Variants in ARHGAP32 observed in about 807,000 individuals in gnomAD.
ARHGAP32 encodes the protein Rho GTPase activating protein 32.
Under a neutral mutation model 186.5 loss-of-function variants are expected in ARHGAP32, and 51 were observed. The observed-to-expected ratio is 0.27, with a 90% confidence interval of 0.22 to 0.35. The LOEUF is 0.35. ARHGAP32 is among the 10% of genes least tolerant of loss of function. The probability of loss-of-function intolerance (pLI) is 1.00; values close to 1 mark genes in which losing one functional copy is unlikely to be tolerated. For missense variants in ARHGAP32, 2,186 were observed against 2,623.5 expected (o/e 0.83, Z 3.64); for synonymous variants, 950 against 964.3 (o/e 0.99, Z 0.27).
rs756353595 is a variant in ARHGAP32, at chr11:128,969,854, A to T, written c.5359T>A (p.Tyr1787Asn). 2 of 1,614,152 alleles carry T rather than the reference A, an allele frequency of 1.2e-6. No individual in the cohort carries two copies. The highest frequency in any genetic ancestry group is 1.7e-6 in the Non-Finnish European group (2 of 1,180,032). The part of the protein sequence containing the change: ...QKVKGPVMSQ[Y>N]DNMTPAVQDD... ...TGCACCGCCGGGGTCATGTTATCATATTGGGACATGACAGGCCCTTTCACC... is the reference window on the plus strand; with the variant it reads ...TGCACCGCCGGGGTCATGTTATCATTTTGGGACATGACAGGCCCTTTCACC... The change falls in exon 23 of 23, where the codon TAT becomes AAT. Residue 1787 changes from tyrosine to asparagine, a missense_variant. Physicochemically the swap from Tyr to Asn is moderately radical, Grantham distance 143. Transcript: ENST00000682385. This position sits in a 1 kb window ranked among gnomAD's most constrained non-coding sequence, Gnocchi z 4.8.
intron 5 of ARHGAP32, among the ~76,000 whole-genome samples, chr11:129,107,328 T>C (rs1942076204): frequency 6.6e-6 from 1 of 152,140 alleles, no homozygotes; most frequent in South Asian, 2.1e-4. Context: ...ACAAAGTTCT[T>C]AACATTGATA....
chr11:128,983,747 G>T (rs763509540), intron 15 of ARHGAP32, among the ~76,000 whole-genome samples: 22 of 151,280 alleles, frequency 1.5e-4, no homozygotes, highest in Admixed American at 3.9e-4. Context: ...TGAAGGGAAT[G>T]ATTAAAGGAC....
At chr11:129,029,305 A>G (rs1938993497) in intron 11 of ARHGAP32, among the ~76,000 whole-genome samples, 1 of 152,196 alleles carries the variant, frequency 6.6e-6, no homozygotes, top group African/African-American at 2.4e-5. Flanking sequence ...TCAAGGTTCT[A>G]TAGTGGGCAG....
At position 129,201,133 on chromosome 11, in the gene ARHGAP32, A is replaced by T. The variant is rs550527462; in HGVS notation, c.-4-36706T>A. Among the ~76,000 whole-genome samples the T allele has an allele frequency of 1.0e-3, 156 of 152,300 alleles. 2 individuals carry two copies. The South Asian group carries it at 0.031, about 30-fold the overall frequency. On this transcript the variant is annotated intron_variant, in intron 1 of 6. Coordinates refer to the ARHGAP32 transcript ENST00000525234. ...ATAAAATCAGATCATAAGACAATTC[A>T]ACATGTCATTTCCAGTGTTAATAAG...
chr11:129,161,036 C>T (rs920181962), intron 2 of ARHGAP32, among the ~76,000 whole-genome samples: 1 of 151,990 alleles, frequency 6.6e-6, no homozygotes, highest in South Asian at 2.1e-4. Flanking sequence ...ACAAACCTGA[C>T]AAAAACAAGC....
intron 21 of ARHGAP32, 79 bp downstream of exon 21, chr11:128,974,045 C>G (rs1464874233): frequency 6.6e-7 from 1 of 1,514,032 alleles, no homozygotes; most frequent in Non-Finnish European, 8.9e-7. Context: ...ACAAATTTCT[C>G]TCTTAAAAGG....
intron 5 of ARHGAP32, among the ~76,000 whole-genome samples, chr11:129,118,572 G>A (rs1942436198): frequency 6.6e-6 from 1 of 151,912 alleles, no homozygotes; most frequent in South Asian, 2.1e-4. Flanking sequence ...GATCTAAGGA[G>A]ATACAAAAGA....
chr11:129,079,966 C>A (rs896942209), intron 6 of ARHGAP32, among the ~76,000 whole-genome samples: 13 of 151,932 alleles, frequency 8.6e-5, no homozygotes, highest in Non-Finnish European at 1.3e-4. Flanking sequence ...TTACATGAGA[C>A]AAAACAAACT....
At chr11:129,137,371 AAAATT>A (rs1250219554) in intron 2 of ARHGAP32, among the ~76,000 whole-genome samples, 1 of 151,922 alleles carries the variant, frequency 6.6e-6, no homozygotes, top group Admixed American at 6.5e-5. Context: ...AAGTATTTGT[AAAATT>A]AAATTAAATT....
At position 129,107,206 on chromosome 11, in the gene ARHGAP32, G is replaced by T. The variant is rs140902776; in HGVS notation, c.445-13499C>A. Among the ~76,000 whole-genome samples the T allele has an allele frequency of 2.0e-3, 309 of 152,234 alleles. 4 individuals are homozygous for T. The highest frequency in any genetic ancestry group is 0.019 in the Admixed American group (283 of 15,286). On this transcript the variant is annotated intron_variant, in intron 5 of 22. Coordinates refer to ENST00000682385, the MANE Select transcript of ARHGAP32 (RefSeq NM_001378024.1). ...TAGTCAACTAGCAATCCTATATCCA[G>T]CAAAACTATCCTTCAAAAATAAAGG...
intron 2 of ARHGAP32, among the ~76,000 whole-genome samples, chr11:129,127,527 C>T (rs1270462317): frequency 7.0e-6 from 1 of 142,476 alleles, no homozygotes; most frequent in Non-Finnish European, 1.5e-5. Flanking sequence ...TTTAACATAA[C>T]AAGGTTTTGT....
chr11:129,269,352 G>T (rs1945446308), intron 1 of ARHGAP32, among the ~76,000 whole-genome samples: 1 of 152,092 alleles, frequency 6.6e-6, no homozygotes, highest in African/African-American at 2.4e-5. Context: ...TGATATAAAA[G>T]AAAGAGGTGG....
intron 1 of ARHGAP32, among the ~76,000 whole-genome samples, chr11:129,174,906 C>T (rs1288540685): frequency 6.8e-6 from 1 of 147,348 alleles, no homozygotes; most frequent in Admixed American, 6.9e-5. Flanking sequence ...CAAAGGAACG[C>T]AGTTCCTCAC....
At chr11:129,011,111 T>C (rs900490589) in intron 11 of ARHGAP32, among the ~76,000 whole-genome samples, 2 of 152,236 alleles carry the variant, frequency 1.3e-5, no homozygotes, top group Non-Finnish European at 2.9e-5. Flanking sequence ...TGGCAGACAA[T>C]GAATGATTAA....
chr11:129,042,506 A>G lies in ARHGAP32; in HGVS notation c.964-1497T>C, dbSNP rs186404391. Among the ~76,000 whole-genome samples, 206 of 152,218 alleles carry G rather than the reference A, an allele frequency of 1.4e-3. 1 individual carries two copies. The highest frequency in any genetic ancestry group is 2.6e-3 in the Admixed American group (40 of 15,286). On this transcript the variant is annotated intron_variant, in intron 10 of 22. Coordinates refer to ENST00000682385, the MANE Select transcript of ARHGAP32 (RefSeq NM_001378024.1). ...CGGAACAAGTAGAAATGCTTCCAAG[A>G]CTGATTAGAACCAGGTAAGAGTCAA... is the stretch of plus-strand genomic sequence containing the variant.
At chr11:129,012,117 A>AT (rs1388801822) in intron 11 of ARHGAP32, among the ~76,000 whole-genome samples, 19 of 152,296 alleles carry the variant, frequency 1.2e-4, no homozygotes, top group African/African-American at 4.3e-4. Context: ...TAAATTTAAA[A>AT]TATTTAAAAA....
chr11:129,170,328 C>A (rs1245405611), intron 1 of ARHGAP32, among the ~76,000 whole-genome samples: 1 of 152,040 alleles, frequency 6.6e-6, no homozygotes, highest in East Asian at 1.9e-4. Flanking sequence ...GTCCCCTCCC[C>A]TCACCCTCCA....
chr11:128,973,722 A>G (rs1945461963), intron 21 of ARHGAP32: 3 of 540,030 alleles, frequency 5.6e-6, no homozygotes, highest in Non-Finnish European at 9.8e-6. Context: ...ATTGCTTAGA[A>G]AACAAGCTTC....
At chr11:129,204,438 A>G (rs925648027) in intron 1 of ARHGAP32, among the ~76,000 whole-genome samples, 4 of 152,182 alleles carry the variant, frequency 2.6e-5, no homozygotes, top group Non-Finnish European at 5.9e-5. Flanking sequence ...AAGAAAAAAA[A>G]GTTGTACTAA....
Sources: gnomAD v4.1 joint callset for allele counts (sites outside exome capture counted in the v4.1 genomes callset) on GRCh38, gnomAD v4.1.1 for gene constraint, Gnocchi (gnomAD v3.1) non-coding constraint, MANE v1.5 for transcripts, NCBI Gene and HGNC (gene_info 2026-07-23, HGNC 2026-07-21) for gene names.